Variants in WDSUB1 observed in about 807,000 individuals in gnomAD.
WDSUB1 encodes the protein WD repeat, SAM and U-box domain-containing protein 1.
In WDSUB1, 49 loss-of-function variants were observed where a neutral mutation model predicts 53.9. The ratio of observed to expected loss-of-function variants is 0.91; its 90% CI spans 0.72 to 1.15. WDSUB1 has a LOEUF of 1.15. Ranked by LOEUF, WDSUB1 falls within the 50% of genes most tolerant of loss-of-function variation. WDSUB1 has a pLI of 0.00. For missense variants in WDSUB1, 514 were observed against 562.0 expected (o/e 0.91, Z 0.86); for synonymous variants, 194 against 200.6 (o/e 0.97, Z 0.28).
At chr2:159,283,901 G>A (rs1018924996) in intron 1 of WDSUB1, among the ~76,000 whole-genome samples, 2 of 152,150 alleles carry the variant, frequency 1.3e-5, no homozygotes, top group Non-Finnish European at 2.9e-5. Context: ...TGCAACTCCC[G>A]CCTCGCGGGT....
At chr2:159,239,810 G>A (rs957943413) in intron 10 of WDSUB1, among the ~76,000 whole-genome samples, 5 of 152,172 alleles carry the variant, frequency 3.3e-5, no homozygotes, top group Non-Finnish European at 7.4e-5. Flanking sequence ...TTACAAATTA[G>A]TACCAGCTGT....
chr2:159,271,220 T>C (rs2061438253), intron 5 of WDSUB1, among the ~76,000 whole-genome samples: 1 of 152,090 alleles, frequency 6.6e-6, no homozygotes, highest in Non-Finnish European at 1.5e-5. Context: ...CTTACAGAAA[T>C]GCATGAACAT....
chr2:159,275,713 TA>T (rs2151139037), intron 3 of WDSUB1, 75 bp from the exon 4 acceptor site: 1 of 1,112,384 alleles, frequency 9.0e-7, no homozygotes, highest in Middle Eastern at 2.1e-4. Context: ...TTTCTTATAC[TA>T]AGATCTATTA....
At chr2:159,283,761 C>T (rs142260367) in intron 1 of WDSUB1, among the ~76,000 whole-genome samples, 1 of 152,138 alleles carries the variant, frequency 6.6e-6, no homozygotes, top group African/African-American at 2.4e-5. Context: ...CAGTTCCTAA[C>T]AGGCCATGAT....
chr2:159,247,909 A>AT (rs1559532032), intron 10 of WDSUB1, among the ~76,000 whole-genome samples: 775 of 17,082 alleles, frequency 0.045, 26 homozygotes, highest in Non-Finnish European at 0.085. Context: ...ATATATATAT[A>AT]AATATATATA....
At chr2:159,240,183 C>T (rs1257910272) in intron 10 of WDSUB1, among the ~76,000 whole-genome samples, 1 of 152,112 alleles carries the variant, frequency 6.6e-6, no homozygotes, top group Admixed American at 6.5e-5. Context: ...CTTGCACTTA[C>T]CATAATTTTT....
intron 2 of WDSUB1, among the ~76,000 whole-genome samples, chr2:159,280,875 C>T (rs1335337676): frequency 6.6e-6 from 1 of 152,066 alleles, no homozygotes; most frequent in Non-Finnish European, 1.5e-5. Flanking sequence ...AATTAACACA[C>T]TGTCCCATCC....
At chr2:159,253,063 G>A (rs1403672900) in intron 9 of WDSUB1, among the ~76,000 whole-genome samples, 1 of 152,200 alleles carries the variant, frequency 6.6e-6, no homozygotes, top group Non-Finnish European at 1.5e-5. Context: ...GATATAAACT[G>A]AGGCCAATGA....
intron 5 of WDSUB1, among the ~76,000 whole-genome samples, chr2:159,265,100 T>C (rs112558789): frequency 0.014 from 1,749 of 125,958 alleles, 38 homozygotes; most frequent in African/African-American, 0.061. Flanking sequence ...AAAAAAAAAA[T>C]AAAACAACAA....
rs2061151116 is a variant in WDSUB1, at chr2:159,259,842, A to C, written c.772T>G (p.Ser258Ala). Residue 258 changes from serine to alanine, a missense_variant and splice_region_variant, in exon 6 of 11, where the codon TCA becomes GCA. By Grantham distance (99) the Ser-to-Ala change is moderately conservative. Transcript: ENST00000359774. ...TATACTATGACAGACTTATCCACTG[A>C]CCTTAAAAGAAAATAAATTATAGGT... ...SHDGQMLVSG[S>A]VDKSVIVYDT... 6.6e-7 allele frequency: 1 copy of C among 1,520,176 alleles called. No individual in the cohort carries two copies. The highest frequency in any genetic ancestry group is 8.9e-7 in the Non-Finnish European group (1 of 1,118,094). 94.2% of individuals were successfully genotyped at this position (1,520,176 alleles called of 1,614,324 possible). A position where few individuals can be genotyped will look rare whatever the true frequency, so the allele number is the denominator to read the frequency against.
At chr2:159,273,010 A>C (rs1215483649) in intron 4 of WDSUB1, among the ~76,000 whole-genome samples, 2 of 152,214 alleles carry the variant, frequency 1.3e-5, no homozygotes, top group South Asian at 2.1e-4. Context: ...CATCAGACAC[A>C]ATAAAACCTT....
intron 3 of WDSUB1, among the ~76,000 whole-genome samples, chr2:159,277,590 C>T (rs1575492401): frequency 6.6e-6 from 1 of 152,102 alleles, no homozygotes; most frequent in Non-Finnish European, 1.5e-5. Context: ...CATTTAAAAA[C>T]TGGAGAGAAA....
chr2:159,260,091 C>G (rs570905395), intron 5 of WDSUB1, among the ~76,000 whole-genome samples: 2 of 152,234 alleles, frequency 1.3e-5, no homozygotes, highest in African/African-American at 4.8e-5. Context: ...ATCATGAGGT[C>G]AGGAGTTTGA....
intron 3 of WDSUB1, among the ~76,000 whole-genome samples, chr2:159,276,687 C>A (rs1008525931): frequency 1.3e-5 from 2 of 152,174 alleles, no homozygotes; most frequent in African/African-American, 2.4e-5. Context: ...CAAGTAGTTT[C>A]ATCAAGTAAG....
intron 9 of WDSUB1, among the ~76,000 whole-genome samples, chr2:159,249,287 C>CTGTT (rs1239448682): frequency 6.6e-6 from 1 of 152,254 alleles, no homozygotes; most frequent in Non-Finnish European, 1.5e-5. Flanking sequence ...TAAAGCTCAT[C>CTGTT]TGTTTGTCCA....
chr2:159,255,054 T>C (rs1481338394), intron 9 of WDSUB1, among the ~76,000 whole-genome samples: 1 of 152,100 alleles, frequency 6.6e-6, no homozygotes, highest in Non-Finnish European at 1.5e-5. Context: ...CACTTGAGCC[T>C]GGGAGGTCGA....
At chr2:159,251,500 G>A (rs755282873) in intron 9 of WDSUB1, among the ~76,000 whole-genome samples, 2 of 152,024 alleles carry the variant, frequency 1.3e-5, no homozygotes, top group Non-Finnish European at 2.9e-5. Flanking sequence ...TGCCCTCAGG[G>A]AAGCGTTTAC....
intron 10 of WDSUB1, among the ~76,000 whole-genome samples, chr2:159,247,544 T>G (rs1213581954): frequency 2.0e-5 from 3 of 150,352 alleles, no homozygotes; most frequent in East Asian, 1.9e-4. Flanking sequence ...CTCTAAACTG[T>G]TTTTTTTTCC....
intron 5 of WDSUB1, among the ~76,000 whole-genome samples, chr2:159,265,469 T>G: frequency 6.6e-6 from 1 of 152,084 alleles, no homozygotes; most frequent in East Asian, 1.9e-4. Flanking sequence ...TGGTGACTCA[T>G]GCCTGTAATC....
Sources: gnomAD v4.1 joint callset for allele counts (sites outside exome capture counted in the v4.1 genomes callset) on GRCh38, gnomAD v4.1.1 for gene constraint, MANE v1.5 for transcripts, NCBI Gene and HGNC (gene_info 2026-07-23, HGNC 2026-07-21) for gene names.